Variants in FOXP2 observed in about 807,000 individuals in gnomAD.
FOXP2 encodes forkhead box P2, also known as forkhead box protein P2.
A neutral mutation model predicts 115.8 loss-of-function variants in FOXP2; 12 were observed. The ratio of observed to expected loss-of-function variants is 0.10; its 90% confidence interval spans 0.07 to 0.17. The LOEUF is 0.17. FOXP2 is among the 10% of genes least tolerant of loss of function. The probability of loss-of-function intolerance (pLI) is 1.00; values close to 1 mark genes in which losing one functional copy is unlikely to be tolerated. For synonymous variants in FOXP2, 328 were observed against 297.7 expected (o/e 1.10, Z -1.05); for missense variants, 629 against 843.5 (o/e 0.75, Z 3.15).
intron 2 of FOXP2, among the ~76,000 whole-genome samples, chr7:114,497,226 G>T (rs910003410): frequency 9.2e-5 from 14 of 152,292 alleles, no homozygotes; most frequent in Non-Finnish European, 1.8e-4. Context: ...TAAATTAATT[G>T]TGTGCCCAAT....
intron 3 of FOXP2, among the ~76,000 whole-genome samples, chr7:114,613,359 G>A (rs1338314679): frequency 3.3e-5 from 5 of 152,062 alleles, no homozygotes; most frequent in East Asian, 1.9e-4. Context: ...ACACATAATG[G>A]TACTTGCTTT....
chr7:114,674,550 A>G (rs1437188516), intron 16 of FOXP2, among the ~76,000 whole-genome samples: 2 of 152,222 alleles, frequency 1.3e-5, no homozygotes, highest in Admixed American at 1.3e-4. Context: ...TTCATTTAAC[A>G]CTAGAATTTT....
At chr7:114,333,669 T>C (rs561206722) in intron 2 of FOXP2, among the ~76,000 whole-genome samples, 1 of 152,250 alleles carries the variant, frequency 6.6e-6, no homozygotes, top group South Asian at 2.1e-4. Flanking sequence ...GGCAGATCAT[T>C]TGAGGCCAGG....
At chr7:114,542,687 G>T (rs1026897734) in intron 3 of FOXP2, among the ~76,000 whole-genome samples, 1 of 152,094 alleles carries the variant, frequency 6.6e-6, no homozygotes, top group Non-Finnish European at 1.5e-5. Flanking sequence ...GAACATCTAA[G>T]ATTGTGCTGA....
chr7:114,323,505 G>C (rs1421495681), intron 2 of FOXP2, among the ~76,000 whole-genome samples: 1 of 151,930 alleles, frequency 6.6e-6, no homozygotes, highest in East Asian at 1.9e-4. Flanking sequence ...GTGAGTTGCT[G>C]AAAAGACTTC....
chr7:114,254,338 C>A (rs556934349), intron 1 of FOXP2, among the ~76,000 whole-genome samples: 12 of 152,228 alleles, frequency 7.9e-5, no homozygotes, highest in Middle Eastern at 3.4e-3. Context: ...GAATGTTGGC[C>A]TGCCATGCTA....
At chr7:114,094,408 G>A (rs1222203244) in intron 1 of FOXP2, among the ~76,000 whole-genome samples, 2 of 152,194 alleles carry the variant, frequency 1.3e-5, no homozygotes, top group East Asian at 3.9e-4. Flanking sequence ...GCACTAACTT[G>A]CTCAGAAATT....
In FOXP2 at chr7:114,642,441, A is replaced by G. The variant is rs1276375707; in HGVS notation, c.807A>G (p.Leu269=). Residue 269 remains leucine, a synonymous_variant, in exon 7 of 17, where the codon TTA becomes TTG. Transcript: ENST00000350908. ...TAAGTCCTGCTGAGATTCAGCAGTT[A>G]TGGAAAGAAGTGACTGGAGTTCACA... ...AGLSPAEIQQ[L]WKEVTGVHSM... is the part of the protein sequence containing the mutation. The G allele has an allele frequency of 1.2e-6, 2 of 1,613,790 alleles. No individual in the cohort carries two copies. The highest frequency in any genetic ancestry group is 1.1e-5 in the South Asian group (1 of 91,076).
At chr7:114,135,535 A>G (rs1370241130) in intron 1 of FOXP2, among the ~76,000 whole-genome samples, 1 of 152,138 alleles carries the variant, frequency 6.6e-6, no homozygotes, top group African/African-American at 2.4e-5. Context: ...GACTTAAGAG[A>G]TAAAAATAAA....
intron 2 of FOXP2, among the ~76,000 whole-genome samples, chr7:114,458,984 G>A (rs1562939068): frequency 6.6e-6 from 1 of 152,016 alleles, no homozygotes; most frequent in Non-Finnish European, 1.5e-5. Flanking sequence ...CCGGAGGTGG[G>A]GCTGGGCTTG....
chr7:114,581,712 T>C (rs958630343), intron 3 of FOXP2, among the ~76,000 whole-genome samples: 4 of 152,198 alleles, frequency 2.6e-5, no homozygotes, highest in African/African-American at 9.7e-5. Context: ...TATCCACCAT[T>C]GTAGTATCAT....
rs1175020059 is a variant in FOXP2 at position 114,198,841 on chromosome 7, A to C, written c.-102+35753A>C. 9.2e-5 allele frequency among the ~76,000 whole-genome samples: 14 copies of C among 152,202 alleles called. 1 individual carries two copies. The highest frequency in any genetic ancestry group is 9.2e-4 in the Admixed American group (14 of 15,276). The stretch of plus-strand genomic sequence containing the variant: ...TGATTTTATGAAATTGGGATCTGGC[A>C]AATTTGAAACTGGAGCCAGCCAGCT... On this transcript the variant is annotated intron_variant, in intron 1 of 17. Transcript: ENST00000634411.
intron 2 of FOXP2, among the ~76,000 whole-genome samples, chr7:114,509,318 T>G (rs1226188593): frequency 2.0e-5 from 3 of 152,110 alleles, no homozygotes; most frequent in Non-Finnish European, 2.9e-5. Flanking sequence ...GTTTCGCTCT[T>G]GTTGCCCAGG....
chr7:114,111,129 CA>C (rs1791258033), intron 1 of FOXP2, among the ~76,000 whole-genome samples: 1 of 152,168 alleles, frequency 6.6e-6, no homozygotes, highest in Admixed American at 6.5e-5. Flanking sequence ...TGCAATCAAT[CA>C]CACCTCCCAG....
At chr7:114,440,446 C>A (rs1261901664) in intron 2 of FOXP2, among the ~76,000 whole-genome samples, 2 of 152,030 alleles carry the variant, frequency 1.3e-5, no homozygotes, top group Non-Finnish European at 2.9e-5. Flanking sequence ...TTCTATTTTT[C>A]ACCTCATATT....
intron 3 of FOXP2, among the ~76,000 whole-genome samples, chr7:114,594,095 G>T (rs533440421): frequency 6.6e-6 from 1 of 151,794 alleles, no homozygotes; most frequent in African/African-American, 2.4e-5. Flanking sequence ...AATAACAGTT[G>T]GTTTATTGTT....
chr7:114,238,633 A>G (rs1444861518), intron 1 of FOXP2, among the ~76,000 whole-genome samples: 1 of 151,994 alleles, frequency 6.6e-6, no homozygotes, highest in Non-Finnish European at 1.5e-5. Flanking sequence ...TTAGCTGGGC[A>G]TGGTGGTTCG....
At chr7:114,474,948 C>A (rs150264599) in intron 2 of FOXP2, among the ~76,000 whole-genome samples, 61 of 151,920 alleles carry the variant, frequency 4.0e-4, no homozygotes, top group African/African-American at 1.3e-3. Context: ...GATTTGAGTT[C>A]TTATTCAAGA....
At chr7:114,497,730 A>G (rs1403010580) in intron 2 of FOXP2, among the ~76,000 whole-genome samples, 1 of 151,998 alleles carries the variant, frequency 6.6e-6, no homozygotes, top group African/African-American at 2.4e-5. Flanking sequence ...AGATAGTTTA[A>G]TAGTGACCAA....
Sources: allele counts gnomAD v4.1 joint callset (sites outside exome capture counted in the v4.1 genomes callset), GRCh38; gene constraint gnomAD v4.1.1; transcripts MANE v1.5; gene names NCBI Gene and HGNC (gene_info 2026-07-23, HGNC 2026-07-21).